ZNF138: variants seen among roughly 807,000 people sequenced by gnomAD.
ZNF138 encodes zinc finger protein 138 (clone pHZ-32).
In ZNF138, 33 loss-of-function variants were observed where a neutral mutation model predicts 33.0. That is an observed-to-expected ratio of 1.00 (90% CI 0.76 to 1.34). ZNF138 has a LOEUF of 1.34. Ranked by LOEUF, ZNF138 falls within the 40% of genes most tolerant of loss-of-function variation. The pLI is 0.00. For missense variants in ZNF138, 360 were observed against 370.8 expected, an observed-to-expected ratio of 0.97 and a Z score of 0.24; for synonymous variants, 139 against 120.4, an observed-to-expected ratio of 1.15 and a Z score of -1.01.
the ZNF138 span, among the ~76,000 whole-genome samples, chr7:64,851,754 G>A: frequency 0.015 from 2,285 of 152,104 alleles, 62 homozygotes; most frequent in African/African-American, 0.052. Flanking sequence ...TAAATGTCAG[G>A]AAGCCTCCAA....
chr7:64,830,243 A>G (rs1789975291), intron 3 of ZNF138, among the ~76,000 whole-genome samples: 1 of 152,010 alleles, frequency 6.6e-6, no homozygotes, highest in African/African-American at 2.4e-5. Flanking sequence ...TTGTTATATA[A>G]ATATCTTTGT....
chr7:64,835,328 A>G (rs902637040), downstream of ZNF138: 8 of 152,218 alleles, frequency 5.3e-5, no homozygotes, highest in Non-Finnish European at 7.3e-5. Context: ...GAGGGCCTAA[A>G]TCAGAGGTTG....
At chr7:64,855,217 A>C in the ZNF138 span, among the ~76,000 whole-genome samples, 1 of 152,326 alleles carries the variant, frequency 6.6e-6, no homozygotes, top group South Asian at 2.1e-4. Flanking sequence ...CTAAGAATTG[A>C]GAATGCTGTG....
the ZNF138 span, among the ~76,000 whole-genome samples, chr7:64,847,333 T>TATATATA: frequency 0.082 from 7,411 of 90,404 alleles, 194 homozygotes; most frequent in Non-Finnish European, 0.11. Flanking sequence ...TATATATATA[T>TATATATA]TTTTTTTTTT....
chr7:64,812,234 A>G (rs920290631), intron 1 of ZNF138, among the ~76,000 whole-genome samples: 1 of 151,822 alleles, frequency 6.6e-6, no homozygotes, highest in African/African-American at 2.4e-5. Context: ...TCTTGGCTCA[A>G]TTCAGCCTTC....
chr7:64,850,477 C>T, the ZNF138 span, among the ~76,000 whole-genome samples: 1 of 152,114 alleles, frequency 6.6e-6, no homozygotes, highest in African/African-American at 2.4e-5. Context: ...ATTTTTTCCC[C>T]CAGAAAAGGG....
At chr7:64,800,812 C>G (rs1787082614) in intron 1 of ZNF138, among the ~76,000 whole-genome samples, 1 of 151,956 alleles carries the variant, frequency 6.6e-6, no homozygotes, top group Admixed American at 6.6e-5. Flanking sequence ...GTCTCTGGTC[C>G]TGGGCTTTTT....
At chr7:64,808,358 C>T (rs1787783079) in intron 1 of ZNF138, among the ~76,000 whole-genome samples, 1 of 152,098 alleles carries the variant, frequency 6.6e-6, no homozygotes, top group Admixed American at 6.6e-5. Flanking sequence ...TTTCCTATGG[C>T]CATTAGAAAA....
chr7:64,832,976 G>T lies in ZNF138; in HGVS notation c.*774G>T. 1 of 416,552 alleles carries T rather than the reference G, an allele frequency of 2.4e-6. No individual in the cohort carries two copies. 25.8% of individuals were successfully genotyped at this position (416,552 alleles called of 1,614,324 possible). On this transcript the variant is annotated 3_prime_UTR_variant, in exon 4 of 4. Coordinates refer to ENST00000307355, the MANE Select transcript of ZNF138 (RefSeq NM_001271639.2). ...AGTTCTCGAACTTTACTATGCATAA[G>T]AAAATTCAAACTGGAGAGAAACTCT...
intron 1 of ZNF138, among the ~76,000 whole-genome samples, chr7:64,808,158 G>A (rs1350552616): frequency 6.6e-6 from 1 of 152,170 alleles, no homozygotes; most frequent in Non-Finnish European, 1.5e-5. Flanking sequence ...ACTGTGTCAG[G>A]CTGACAAGAG....
chr7:64,800,227 TG>T, intron 1 of ZNF138, among the ~76,000 whole-genome samples: 1 of 152,322 alleles, frequency 6.6e-6, no homozygotes, highest in East Asian at 1.9e-4. Flanking sequence ...CTACCAATTC[TG>T]TGTTGAATAG....
the ZNF138 span, chr7:64,852,641 A>G: frequency 1.3e-5 from 19 of 1,430,126 alleles, no homozygotes; most frequent in Non-Finnish European, 1.8e-5. Context: ...GTTCATCATC[A>G]CCTCCTCGTA....
chr7:64,844,965 G>A, the ZNF138 span, among the ~76,000 whole-genome samples: 9 of 152,196 alleles, frequency 5.9e-5, no homozygotes, highest in African/African-American at 1.4e-4. Flanking sequence ...GATTACAGGC[G>A]TGAGCCACCG....
intron 1 of ZNF138, among the ~76,000 whole-genome samples, chr7:64,797,383 T>A (rs904672943): frequency 2.0e-5 from 3 of 152,236 alleles, no homozygotes; most frequent in African/African-American, 4.8e-5. Context: ...TTTCCTTCCC[T>A]TATATAAACA....
chr7:64,836,952 G>A (rs1790385746), downstream of ZNF138: 6 of 152,230 alleles, frequency 3.9e-5, 1 homozygote, highest in South Asian at 4.1e-4. Flanking sequence ...TTGTCAAAGC[G>A]AACTTCATGT....
At chr7:64,824,676 A>T (rs1370701353) in intron 3 of ZNF138, among the ~76,000 whole-genome samples, 1 of 152,198 alleles carries the variant, frequency 6.6e-6, no homozygotes, top group African/African-American at 2.4e-5. Flanking sequence ...ATAGTTATAA[A>T]TTCTTGATAA....
chr7:64,848,119 T>C, the ZNF138 span, among the ~76,000 whole-genome samples: 3 of 150,966 alleles, frequency 2.0e-5, no homozygotes, highest in African/African-American at 7.4e-5. Flanking sequence ...TGAAGCTTAG[T>C]TTCACTGGAT....
At chr7:64,825,646 T>C (rs1789544370) in intron 3 of ZNF138, among the ~76,000 whole-genome samples, 1 of 151,830 alleles carries the variant, frequency 6.6e-6, no homozygotes, top group African/African-American at 2.4e-5. Context: ...TTCAAGCGAT[T>C]CCCCTGCCTC....
chr7:64,817,996 ATT>A (rs1162172898), intron 3 of ZNF138, among the ~76,000 whole-genome samples: 3,613 of 87,074 alleles, frequency 0.041, 58 homozygotes, highest in Non-Finnish European at 0.065. Context: ...TATTATTATT[ATT>A]TTTTTTTTTT....
Sources: allele counts gnomAD v4.1 joint callset (sites outside exome capture counted in the v4.1 genomes callset), GRCh38; gene constraint gnomAD v4.1.1; transcripts MANE v1.5; gene names NCBI Gene and HGNC (gene_info 2026-07-23, HGNC 2026-07-21).